ZSCAN2: variants seen among roughly 807,000 people sequenced by gnomAD.
ZSCAN2 encodes zinc finger and SCAN domain containing 2.
A neutral mutation model predicts 47.8 loss-of-function variants in ZSCAN2; 26 were observed. That is an observed-to-expected ratio of 0.54 (90% CI 0.40 to 0.75). The LOEUF (loss-of-function observed/expected upper bound fraction) is 0.75, where lower values mean the gene tolerates loss of function less well. Ranked by LOEUF, ZSCAN2 falls within the 30% of genes least tolerant of loss-of-function variation. The pLI, the probability that ZSCAN2 is intolerant of heterozygous loss-of-function variation, is 0.00. For missense variants in ZSCAN2, 732 were observed against 785.4 expected, an observed-to-expected ratio of 0.93 and a Z score of 0.81; for synonymous variants, 305 against 288.7, an observed-to-expected ratio of 1.06 and a Z score of -0.57.
chr15:84,622,872 C>G lies in ZSCAN2; in HGVS notation c.*832C>G, dbSNP rs1051814280. ...GGAGAGTGTAGTGAAGTCCGAGAGCCCTAGCTGCCAACCCATGGTGGATGG... is the reference window on the plus strand; with the variant it reads ...GGAGAGTGTAGTGAAGTCCGAGAGCGCTAGCTGCCAACCCATGGTGGATGG... On this transcript the variant is annotated 3_prime_UTR_variant, in exon 3 of 3. Transcript: ENST00000546148. The G allele has an allele frequency of 1.7e-6, 1 of 587,758 alleles. No individual in the cohort carries two copies. The highest frequency in any genetic ancestry group is 3.1e-6 in the Non-Finnish European group (1 of 323,618). The allele number at this position is 587,758 out of a possible 1,614,324, so 36.4% of individuals were successfully genotyped here.
chr15:84,606,722 C>G (rs1002240298), intron 2 of ZSCAN2: 1 of 1,431,506 alleles, frequency 7.0e-7, no homozygotes, highest in Non-Finnish European at 9.1e-7. Flanking sequence ...CCCTTCCCAT[C>G]CACCTTGCAG....
chr15:84,601,516 G>A (rs17597517), intron 1 of ZSCAN2, among the ~76,000 whole-genome samples: 12,241 of 152,242 alleles, frequency 0.08, 589 homozygotes, highest in African/African-American at 0.11. Flanking sequence ...AGGCTCCCAA[G>A]TAGGAAGAGT....
At chr15:84,607,359 A>T (rs751702719) in intron 2 of ZSCAN2, among the ~76,000 whole-genome samples, 5 of 151,858 alleles carry the variant, frequency 3.3e-5, no homozygotes, top group Non-Finnish European at 7.4e-5. Context: ...CAAATCAAGC[A>T]TGACCTCCTT....
At chr15:84,602,438 A>G (rs2141752892) in intron 1 of ZSCAN2, among the ~76,000 whole-genome samples, 1 of 152,122 alleles carries the variant, frequency 6.6e-6, no homozygotes, top group South Asian at 2.1e-4. Flanking sequence ...TAAATTTCAT[A>G]TGTTTGCTCT....
chr15:84,615,758 T>C (rs1895676788), intron 2 of ZSCAN2, among the ~76,000 whole-genome samples: 1 of 152,210 alleles, frequency 6.6e-6, no homozygotes, highest in South Asian at 2.1e-4. Flanking sequence ...CCCATTGCGC[T>C]CCTTTTCCTG....
intron 2 of ZSCAN2, chr15:84,612,111 C>T (rs1427986299): frequency 1.3e-5 from 2 of 152,258 alleles, no homozygotes; most frequent in Non-Finnish European, 2.9e-5. Flanking sequence ...TAGGGGCCAG[C>T]CTTTCTCAGG....
intron 2 of ZSCAN2, chr15:84,616,659 TAAAACAGCA>T: frequency 8.9e-7 from 1 of 1,123,718 alleles, no homozygotes; most frequent in Non-Finnish European, 1.1e-6. Flanking sequence ...GTTCTGATTT[TAAAACAGCA>T]AAAACAGCCT....
chr15:84,621,367 A>G lies in ZSCAN2; in HGVS notation c.1172A>G (p.Lys391Arg), dbSNP rs777156363. 5 of 1,614,042 alleles carry G rather than the reference A, an allele frequency of 3.1e-6. No individual in the cohort carries two copies. Among genetic ancestry groups the G allele is most frequent in the Non-Finnish European group, 1.7e-6 (2 of 1,179,998 alleles). The change falls in exon 3 of 3, where the codon AAA (lysine) becomes AGA (arginine). Residue 391 changes from lysine to arginine, a missense_variant. By Grantham distance (26) the Lys-to-Arg change is conservative. This residue lies in a region of ZSCAN2 where 412 missense variants were observed against 498.0 expected (regional missense o/e 0.83). Transcript: ENST00000546148. This position sits in a 1 kb window ranked among gnomAD's most constrained non-coding sequence, Gnocchi z 5.7. ...ATCCACACAGGAGAGAAACCCTACA[A>G]ATGTACCGACTGTGGGCAGAGGTTC... ...QRIHTGEKPYKCTDCGQRFSQ... is the reference protein window; with the variant it reads ...QRIHTGEKPYRCTDCGQRFSQ...
rs1895288504 is a variant in ZSCAN2, at chr15:84,603,920, G to C, written c.-8G>C. The C allele has an allele frequency of 1.2e-6, 2 of 1,611,354 alleles. No homozygotes were observed. The highest frequency in any genetic ancestry group is 2.7e-5 in the African/African-American group (2 of 74,896). On this transcript the variant is annotated 5_prime_UTR_variant, in exon 2 of 3. Transcript: ENST00000546148. ...CTTGAAGCCTAAGTGATTGCCCCAG[G>C]ACTGTGGATGATGGCTGCAGACATC... is the stretch of plus-strand genomic sequence containing the variant.
At chr15:84,613,769 G>C (rs1304230704) in intron 2 of ZSCAN2, among the ~76,000 whole-genome samples, 1 of 151,136 alleles carries the variant, frequency 6.6e-6, no homozygotes, top group Non-Finnish European at 1.5e-5. Context: ...CCACCTCCTG[G>C]GTTCAACGAT....
intron 1 of ZSCAN2, chr15:84,602,009 A>G (rs1895219242): frequency 7.1e-6 from 1 of 141,802 alleles, no homozygotes; most frequent in Admixed American, 7.5e-5. Flanking sequence ...GCTGGAGTGC[A>G]ATGGCCTGAT....
chr15:84,621,505 G>A lies in ZSCAN2; in HGVS notation c.1310G>A (p.Arg437Gln), dbSNP rs200358209. Residue 437 changes from arginine to glutamine, a missense_variant, in exon 3 of 3, where the codon CGG becomes CAG. Physicochemically the swap from Arg to Gln is conservative, Grantham distance 43. This residue lies in a region of ZSCAN2 where 412 missense variants were observed against 498.0 expected (regional missense o/e 0.83). Coordinates refer to ENST00000546148, the MANE Select transcript of ZSCAN2 (RefSeq NM_181877.4). This position sits in a 1 kb window ranked among gnomAD's most constrained non-coding sequence, Gnocchi z 5.7. The stretch of plus-strand genomic sequence containing the variant: ...CGCAGCTCTAACCTGGCCACACACC[G>A]GAGAACCCACATGGTGGAGAAGCCC... ...FSRSSNLATH[R>Q]RTHMVEKPYK... 129 of 1,612,416 alleles carry A rather than the reference G, an allele frequency of 8.0e-5. No homozygotes were observed. Among genetic ancestry groups the A allele is most frequent in the Admixed American group, 1.7e-4 (10 of 59,850 alleles).
At chr15:84,604,621 A>G (rs546160282) in intron 2 of ZSCAN2, among the ~76,000 whole-genome samples, 43 of 152,248 alleles carry the variant, frequency 2.8e-4, no homozygotes, top group Non-Finnish European at 5.0e-4. Flanking sequence ...TGGAAGTTAA[A>G]CGGGAGGAGA....
At position 84,619,884 on chromosome 15, in the gene ZSCAN2, T is replaced by G. The variant is rs931695627; in HGVS notation, c.407-718T>G. Among the ~76,000 whole-genome samples, 7 of 151,866 alleles carry G rather than the reference T, an allele frequency of 4.6e-5. No individual in the cohort carries two copies. In the South Asian group the frequency reaches 1.5e-3, roughly 32 times the overall value. On this transcript the variant is annotated intron_variant, in intron 2 of 2. Coordinates refer to ENST00000546148, the MANE Select transcript of ZSCAN2 (RefSeq NM_181877.4). ...AATTCTGGGTGATTGCCACAAAGAT[T>G]ATGAGGCCTGACAACCAGTCAGAAT...
At position 84,621,229 on chromosome 15, in the gene ZSCAN2, A is replaced by G; in HGVS notation, c.1034A>G (p.Asn345Ser). 6 of 1,613,602 alleles carry G rather than the reference A, an allele frequency of 3.7e-6. No individual in the cohort carries two copies. Among genetic ancestry groups the G allele is most frequent in the Non-Finnish European group, 5.1e-6 (6 of 1,179,894 alleles). ...CCCGAGTGTGGAAAGAGCTTTGGCA[A>G]CCGATCCAGCCTTAACACGCATCAG... Reference protein sequence around the residue: ...SCPECGKSFGNRSSLNTHQGI... With the variant: ...SCPECGKSFGSRSSLNTHQGI... The change falls in exon 3 of 3, where the codon AAC (asparagine) becomes AGC (serine). Residue 345 changes from asparagine (N) to serine (S), a missense_variant. Physicochemically the swap from Asn to Ser is conservative, Grantham distance 46 (BLOSUM62 1). Around this residue, in one of 2 missense-constraint regions of ZSCAN2, gnomAD observed 412 missense variants for 498.0 expected, o/e 0.83. Coordinates refer to ENST00000546148, the MANE Select transcript of ZSCAN2 (RefSeq NM_181877.4). This position sits in a 1 kb window ranked among gnomAD's most constrained non-coding sequence, Gnocchi z 5.7.
At position 84,622,972 on chromosome 15, in the gene ZSCAN2, C is replaced by T. The variant is rs1488975905; in HGVS notation, c.*932C>T. The T allele has an allele frequency of 5.1e-6, 2 of 389,766 alleles. No homozygotes were observed. The highest frequency in any genetic ancestry group is 4.2e-5 in the African/African-American group (2 of 47,946). The allele number at this position is 389,766 out of a possible 1,614,324, so 24.1% of individuals were successfully genotyped here. The stretch of plus-strand genomic sequence containing the variant: ...GTTTGTGCCTTTGGCCCAACAGGTA[C>T]ATAGCCCCATAATTTCTGAATTATT... On this transcript the variant is annotated 3_prime_UTR_variant, in exon 3 of 3. Transcript: ENST00000546148.
rs28608787 is a variant in ZSCAN2, at chr15:84,618,144, G to A, written c.407-2458G>A. Among the ~76,000 whole-genome samples the A allele has an allele frequency of 6.1e-3, 923 of 152,178 alleles. 6 individuals are homozygous for A. Among genetic ancestry groups the A allele is most frequent in the African/African-American group, 0.016 (645 of 41,546 alleles). ...TAGAAATGTCACTAGGAGTTCGAGC[G>A]CGATAGCTCACACCTGTAATCCCAG... On this transcript the variant is annotated intron_variant, in intron 2 of 2. Coordinates refer to ENST00000546148, the MANE Select transcript of ZSCAN2 (RefSeq NM_181877.4).
chr15:84,617,058 G>A (rs1034523634), intron 2 of ZSCAN2, among the ~76,000 whole-genome samples: 1 of 151,858 alleles, frequency 6.6e-6, no homozygotes, highest in African/African-American at 2.4e-5. Context: ...GGGAACAGAG[G>A]TTGCGGGGAG....
rs141667176 is a variant in ZSCAN2 at position 84,602,456 on chromosome 15, C to T, written c.-109+1321C>T. Among the ~76,000 whole-genome samples the T allele has an allele frequency of 3.7e-3, 561 of 152,196 alleles. 3 individuals carry two copies. The highest frequency in any genetic ancestry group is 0.013 in the African/African-American group (532 of 41,530). ...ATTTCATATGTTTGCTCTTGTGCCG[C>T]CATTGCCAAATGAAGATATTGAAAA... is the stretch of plus-strand genomic sequence containing the variant. On this transcript the variant is annotated intron_variant, in intron 1 of 2. Transcript: ENST00000546148.
Sources: allele counts gnomAD v4.1 joint callset (sites outside exome capture counted in the v4.1 genomes callset), GRCh38; gene constraint gnomAD v4.1.1; regional missense constraint gnomAD v4.1.1; non-coding constraint Gnocchi (gnomAD v3.1); transcripts MANE v1.5; gene names NCBI Gene and HGNC (gene_info 2026-07-23, HGNC 2026-07-21).